Variants in SIGLEC15 observed in about 807,000 individuals in gnomAD.
SIGLEC15 encodes the protein sialic acid-binding Ig-like lectin 15.
A neutral mutation model predicts 26.2 loss-of-function variants in SIGLEC15; 31 were observed. The ratio of observed to expected loss-of-function variants is 1.18; its 90% CI spans 0.89 to 1.60. The LOEUF is 1.60. Among genes scored for constraint, SIGLEC15 ranks in the 40% most tolerant of loss-of-function variants. The probability of loss-of-function intolerance (pLI) is 0.00; values close to 1 mark genes in which losing one functional copy is unlikely to be tolerated. For missense variants in SIGLEC15, 501 were observed against 488.4 expected (o/e 1.03, Z -0.24); for synonymous variants, 207 against 221.9 (o/e 0.93, Z 0.60).
intron 5 of SIGLEC15, 98 bp downstream of exon 5, chr18:45,840,339 TGGGGCTGGGGTCCTACTTTGACCA>T: frequency 7.3e-7 from 1 of 1,362,576 alleles, no homozygotes; most frequent in Non-Finnish European, 1.0e-6. Flanking sequence ...GGCAAAGGGC[TGGGGCTGGGGTCCTACTTTGACCA>T]GGGGCTGGGC....
chr18:45,836,952 T>C (rs989410463), intron 1 of SIGLEC15, 77 bp from the exon 2 acceptor site: 5 of 811,760 alleles, frequency 6.2e-6, no homozygotes, highest in Admixed American at 1.7e-5. Context: ...ATGCTGGCAG[T>C]GTGACTTCAG....
At position 45,838,756 on chromosome 18, in the gene SIGLEC15, C is replaced by A; in HGVS notation, c.535C>A (p.Pro179Thr). Reference sequence around the variant, plus strand: ...CGTCAACATCTCGGTGCTGCCCAGTCCGGCTCACGCCTTCCGCGCGCTCTG... The same window carrying A: ...CGTCAACATCTCGGTGCTGCCCAGTACGGCTCACGCCTTCCGCGCGCTCTG... ...RIVNISVLPS[P>T]AHAFRALCTA... The change falls in exon 4 of 6, where the codon CCG (proline) becomes ACG (threonine). Residue 179 changes from proline to threonine, a missense_variant. Transcript: ENST00000389474. 1 of 1,582,056 alleles carries A rather than the reference C, an allele frequency of 6.3e-7. No homozygotes were observed. The highest frequency in any genetic ancestry group is 8.5e-7 in the Non-Finnish European group (1 of 1,172,268).
intron 1 of SIGLEC15, among the ~76,000 whole-genome samples, chr18:45,830,184 G>A (rs1477641623): frequency 6.6e-6 from 1 of 152,248 alleles, no homozygotes; most frequent in Non-Finnish European, 1.5e-5. Context: ...CCTTACCAAG[G>A]AACTGGTGGA....
chr18:45,838,682 T>A, intron 3 of SIGLEC15, 36 bp from the exon 4 acceptor site: 1 of 1,517,138 alleles, frequency 6.6e-7, no homozygotes, highest in Admixed American at 1.9e-5. Flanking sequence ...AGGGGAGGGG[T>A]GCCCTTGTGA....
At chr18:45,837,145 C>G in intron 2 of SIGLEC15, 57 bp downstream of exon 2, 1 of 1,601,478 alleles carries the variant, frequency 6.2e-7, no homozygotes. Context: ...GTTTTAACCA[C>G]GAGATCCCAG....
rs564826898 is a variant in SIGLEC15, at chr18:45,842,406, C to T, written c.*219C>T. 474 of 567,870 alleles carry T rather than the reference C, an allele frequency of 8.3e-4. 1 individual carries two copies. The highest frequency in any genetic ancestry group is 1.3e-3 in the South Asian group (62 of 48,300). 35.2% of individuals were successfully genotyped at this position (567,870 alleles called of 1,614,324 possible). On this transcript the variant is annotated 3_prime_UTR_variant, in exon 6 of 6. Transcript: ENST00000389474. ...CTCCCTGATATTTTTGCCAGCATTT[C>T]GTAAATGTGCATACGTCTGTGTGTG...
Position 45,837,687 on chromosome 18 carries a change from CTGCGGCGCGG to C in SIGLEC15, c.288_297del (p.Arg99SerfsTer7). ...GCGGGCCCGCAGGTGTTCCGCTGCG[CTGCGGCGCGG>C]GGCAGCGAGCTCTGCCAGACGGCGC... On this transcript the variant is annotated frameshift_variant, in exon 3 of 6. Transcript: ENST00000389474. LOFTEE classifies it high-confidence loss of function. 2 of 1,478,526 alleles carry C rather than the reference CTGCGGCGCGG, an allele frequency of 1.4e-6. No individual in the cohort carries two copies. Among genetic ancestry groups the C allele is most frequent in the Non-Finnish European group, 1.8e-6 (2 of 1,124,324 alleles). 91.6% of individuals were successfully genotyped at this position (1,478,526 alleles called of 1,614,324 possible). A position where few individuals can be genotyped will look rare whatever the true frequency, so the allele number is the denominator to read the frequency against.
In SIGLEC15 at chr18:45,838,765, G is replaced by A; in HGVS notation, c.544G>A (p.Ala182Thr). 1 of 1,576,614 alleles carries A rather than the reference G, an allele frequency of 6.3e-7. No individual in the cohort carries two copies. The highest frequency in any genetic ancestry group is 8.6e-7 in the Non-Finnish European group (1 of 1,169,398). Reference protein sequence around the residue: ...NISVLPSPAHAFRALCTAEGE... With the variant: ...NISVLPSPAHTFRALCTAEGE... Reference sequence around the variant, plus strand: ...CTCGGTGCTGCCCAGTCCGGCTCACGCCTTCCGCGCGCTCTGCACTGCCGA... The same window carrying A: ...CTCGGTGCTGCCCAGTCCGGCTCACACCTTCCGCGCGCTCTGCACTGCCGA... Residue 182 changes from alanine (A) to threonine (T), a missense_variant, in exon 4 of 6, where the codon GCC becomes ACC. Ala to Thr is a moderately conservative substitution (Grantham distance 58). Coordinates refer to ENST00000389474, the MANE Select transcript of SIGLEC15 (RefSeq NM_213602.3).
intron 2 of SIGLEC15, 97 bp from the exon 3 acceptor site, chr18:45,837,416 T>A: frequency 7.2e-7 from 1 of 1,379,920 alleles, no homozygotes; most frequent in East Asian, 2.8e-5. Context: ...GGCTAGGGGT[T>A]GGGGGAGCGT....
intron 1 of SIGLEC15, among the ~76,000 whole-genome samples, chr18:45,836,198 G>A (rs1053831402): frequency 6.6e-6 from 1 of 152,128 alleles, no homozygotes; most frequent in African/African-American, 2.4e-5. Flanking sequence ...GGTCAGAAAA[G>A]TCATATTTCT....
chr18:45,838,860 C>T lies in SIGLEC15; in HGVS notation c.639C>T (p.Ser213=). 1.3e-6 allele frequency: 2 copies of T among 1,580,316 alleles called. No homozygotes were observed. Reference sequence around the variant, plus strand: ...GCAACAGCTTGGCAGCCGTGCGGAGCCCGCGTGAGGGTCACGGCCACCTAG... The same window carrying T: ...GCAACAGCTTGGCAGCCGTGCGGAGTCCGCGTGAGGGTCACGGCCACCTAG... ...ALGNSLAAVR[S]PREGHGHLVT... Residue 213 remains serine, a synonymous_variant, in exon 4 of 6, where the codon AGC becomes AGT. Transcript: ENST00000389474.
chr18:45,837,701 A>G lies in SIGLEC15; in HGVS notation c.301A>G (p.Ser101Gly). The G allele has an allele frequency of 6.8e-7, 1 of 1,480,092 alleles. No homozygotes were observed. The highest frequency in any genetic ancestry group is 1.3e-5 in the South Asian group (1 of 76,946). The allele number at this position is 1,480,092 out of a possible 1,614,324, so 91.7% of individuals were successfully genotyped here. A position where few individuals can be genotyped will look rare whatever the true frequency, so the allele number is the denominator to read the frequency against. The part of the protein sequence containing the change: ...QVFRCAAARG[S>G]ELCQTALSLH... ...GTTCCGCTGCGCTGCGGCGCGGGGC[A>G]GCGAGCTCTGCCAGACGGCGCTGAG... The change falls in exon 3 of 6, where the codon AGC (serine) becomes GGC (glycine). Residue 101 changes from serine to glycine, a missense_variant. Transcript: ENST00000389474.
chr18:45,832,932 G>A (rs982510389), intron 1 of SIGLEC15, among the ~76,000 whole-genome samples: 18 of 152,020 alleles, frequency 1.2e-4, no homozygotes, highest in Non-Finnish European at 2.9e-5. Flanking sequence ...CCAAGTGCCC[G>A]CTTCTTTGAA....
At chr18:45,831,045 G>A (rs78927163) in intron 1 of SIGLEC15, among the ~76,000 whole-genome samples, 5,302 of 152,298 alleles carry the variant, frequency 0.035, 206 homozygotes, top group Admixed American at 0.11. Flanking sequence ...ACGCCAGAGA[G>A]CTATGGCAAC....
Position 45,837,602 on chromosome 18 carries a change from C to A in SIGLEC15, c.202C>A (p.His68Asn). 1 of 1,510,816 alleles carries A rather than the reference C, an allele frequency of 6.6e-7. No homozygotes were observed. The highest frequency in any genetic ancestry group is 8.8e-7 in the Non-Finnish European group (1 of 1,137,206). The allele number at this position is 1,510,816 out of a possible 1,614,324, so 93.6% of individuals were successfully genotyped here. ...DAAVLPCTFT[H>N]PHRHYDGPLT... ...GGCAGTGCTGCCCTGCACCTTCACG[C>A]ACCCGCACCGCCACTACGACGGGCC... Residue 68 changes from histidine to asparagine, a missense_variant, in exon 3 of 6, where the codon CAC becomes AAC. Coordinates refer to ENST00000389474, the MANE Select transcript of SIGLEC15 (RefSeq NM_213602.3).
intron 2 of SIGLEC15, among the ~76,000 whole-genome samples, 180 bp downstream of exon 2, chr18:45,837,268 C>T (rs2048282922): frequency 6.6e-6 from 1 of 152,218 alleles, no homozygotes; most frequent in South Asian, 2.1e-4. Flanking sequence ...AGGGAAGAGC[C>T]GCGGGAACGC....
At chr18:45,838,430 C>T (rs1467761108) in intron 3 of SIGLEC15, 41 of 501,944 alleles carry the variant, frequency 8.2e-5, no homozygotes, top group African/African-American at 4.1e-5. Flanking sequence ...TTAGCATTTG[C>T]TAGGGAGCCG....
At chr18:45,828,864 G>A (rs750200532) in intron 1 of SIGLEC15, among the ~76,000 whole-genome samples, 1 of 152,204 alleles carries the variant, frequency 6.6e-6, no homozygotes, top group Admixed American at 6.5e-5. Context: ...AGATGCAGGG[G>A]TGCTTATTCG....
chr18:45,831,061 C>T (rs2048231430), intron 1 of SIGLEC15, among the ~76,000 whole-genome samples: 1 of 152,160 alleles, frequency 6.6e-6, no homozygotes, highest in Non-Finnish European at 1.5e-5. Context: ...GCAACTTGCC[C>T]AATGTCCCAA....
Sources: allele counts gnomAD v4.1 joint callset (sites outside exome capture counted in the v4.1 genomes callset), GRCh38; gene constraint gnomAD v4.1.1; transcripts MANE v1.5; gene names NCBI Gene and HGNC (gene_info 2026-07-23, HGNC 2026-07-21).